CSNK1G2: variants seen among roughly 807,000 people sequenced by gnomAD.
The protein encoded by CSNK1G2 is casein kinase I isoform gamma-2.
A neutral mutation model predicts 48.0 loss-of-function variants in CSNK1G2; 11 were observed. The observed-to-expected ratio is 0.23, with a 90% CI of 0.14 to 0.38. CSNK1G2 has a LOEUF of 0.38. Among genes scored for constraint, CSNK1G2 ranks in the 10% least tolerant of loss-of-function variants. The pLI is 1.00. For synonymous variants in CSNK1G2, 337 were observed against 254.1 expected (o/e 1.33, Z -3.10); for missense variants, 446 against 595.5 (o/e 0.75, Z 2.61).
intron 1 of CSNK1G2, among the ~76,000 whole-genome samples, chr19:1,962,664 A>G (rs1414550029): frequency 6.6e-6 from 1 of 152,204 alleles, no homozygotes; most frequent in Non-Finnish European, 1.5e-5. Context: ...CCCTGTCTCA[A>G]AACAAACACA....
chr19:1,960,853 C>T (rs1568191313), intron 1 of CSNK1G2, among the ~76,000 whole-genome samples: 1 of 152,194 alleles, frequency 6.6e-6, no homozygotes, highest in Non-Finnish European at 1.5e-5. Context: ...CGCACCACTA[C>T]ACTCCAGCCT....
At chr19:1,951,667 C>T (rs111292048) in intron 1 of CSNK1G2, among the ~76,000 whole-genome samples, 3,018 of 126,850 alleles carry the variant, frequency 0.024, 506 homozygotes, top group African/African-American at 0.081. Context: ...TCCACCCCTC[C>T]CCACCTTCCT....
At chr19:1,945,588 G>A (rs2014525748) in intron 1 of CSNK1G2, among the ~76,000 whole-genome samples, 1 of 152,214 alleles carries the variant, frequency 6.6e-6, no homozygotes, top group Non-Finnish European at 1.5e-5. Context: ...TTGGGAGGCC[G>A]AGGTGGGCGG....
intron 1 of CSNK1G2, among the ~76,000 whole-genome samples, chr19:1,955,909 C>A (rs867770616): frequency 2.0e-5 from 3 of 152,210 alleles, no homozygotes; most frequent in Non-Finnish European, 2.9e-5. Context: ...AAGTAGCAAC[C>A]CCAACCTGCC....
intron 1 of CSNK1G2, among the ~76,000 whole-genome samples, chr19:1,946,673 C>T (rs1198303436): frequency 6.6e-6 from 1 of 151,108 alleles, no homozygotes; most frequent in East Asian, 1.9e-4. Context: ...AGTGCAGTGG[C>T]GCAATCTTGG....
At position 1,972,425 on chromosome 19, in the gene CSNK1G2, G is replaced by A. The variant is rs192514605; in HGVS notation, c.187+2466G>A. Among the ~76,000 whole-genome samples the A allele has an allele frequency of 2.8e-4, 43 of 152,220 alleles. No homozygotes were observed. In the East Asian group the frequency reaches 6.9e-3, roughly 25 times the overall value. ...TGTCTAGAATGTTCTAGAATGTGTC[G>A]TTTTTTCTGTTTTTAAGGTTTTTAT... On this transcript the variant is annotated intron_variant, in intron 2 of 11. Coordinates refer to ENST00000255641, the MANE Select transcript of CSNK1G2 (RefSeq NM_001319.7).
At chr19:1,946,290 T>TTTATTTA (rs779066768) in intron 1 of CSNK1G2, among the ~76,000 whole-genome samples, 3,623 of 69,128 alleles carry the variant, frequency 0.052, 53 homozygotes, top group Non-Finnish European at 0.098. Flanking sequence ...TTATTTATTT[T>TTTATTTA]TTATTTATTT....
chr19:1,949,152 C>T (rs918110338), intron 1 of CSNK1G2, among the ~76,000 whole-genome samples: 1 of 152,208 alleles, frequency 6.6e-6, no homozygotes, highest in Non-Finnish European at 1.5e-5. Context: ...GTCAAGGCTC[C>T]TCTGTGAGTG....
chr19:1,943,037 G>A (rs935991083), intron 1 of CSNK1G2, among the ~76,000 whole-genome samples: 1 of 152,138 alleles, frequency 6.6e-6, no homozygotes, highest in Admixed American at 6.5e-5. Context: ...GAGAGGGAAC[G>A]GGAGACCTGC....
chr19:1,948,853 C>G (rs1014682101), intron 1 of CSNK1G2, among the ~76,000 whole-genome samples: 1 of 152,226 alleles, frequency 6.6e-6, no homozygotes, highest in Non-Finnish European at 1.5e-5. Context: ...ACACATACCT[C>G]GTGTGTTGTG....
At chr19:1,958,086 A>C (rs1344076043) in intron 1 of CSNK1G2, among the ~76,000 whole-genome samples, 3 of 151,986 alleles carry the variant, frequency 2.0e-5, no homozygotes, top group Admixed American at 6.6e-5. Context: ...TCGGTGGCTG[A>C]GTAAGGGGCC....
rs1328104477 is a variant in CSNK1G2, at chr19:1,974,978, C to T, written c.188-3327C>T. 9 of 796,310 alleles carry T rather than the reference C, an allele frequency of 1.1e-5. 1 individual carries two copies. The highest frequency in any genetic ancestry group is 3.7e-5 in the African/African-American group (2 of 53,494). The allele number at this position is 796,310 out of a possible 1,614,324, so 49.3% of individuals were successfully genotyped here. On this transcript the variant is annotated intron_variant, in intron 2 of 11. Coordinates refer to ENST00000255641, the MANE Select transcript of CSNK1G2 (RefSeq NM_001319.7). ...CCCCTTTGGCTTTCAGAGCCCAGAG[C>T]GCCCGACCTCCTCCAGGAGTCTGCA...
chr19:1,948,415 C>T (rs866969731), intron 1 of CSNK1G2, among the ~76,000 whole-genome samples: 1 of 149,698 alleles, frequency 6.7e-6, no homozygotes, highest in African/African-American at 2.5e-5. Context: ...CCCAGCTACT[C>T]GGGAGGCTGA....
chr19:1,973,953 T>C (rs1026713126), intron 2 of CSNK1G2, among the ~76,000 whole-genome samples: 2 of 152,162 alleles, frequency 1.3e-5, no homozygotes, highest in African/African-American at 4.8e-5. Flanking sequence ...AGTGGTACTA[T>C]CTTGGCTCAC....
chr19:1,980,341 G>A lies in CSNK1G2; in HGVS notation c.*138G>A, dbSNP rs768590825. ...AGCCAGAACGCAGACTGCAGGGGCC[G>A]CGCCTGGCTCAGGCGGCCCCACCCC... On this transcript the variant is annotated 3_prime_UTR_variant, in exon 12 of 12. Transcript: ENST00000255641. 2.0e-5 allele frequency: 22 copies of A among 1,096,946 alleles called. No homozygotes were observed. The highest frequency in any genetic ancestry group is 1.8e-5 in the Non-Finnish European group (13 of 739,622). The allele number at this position is 1,096,946 out of a possible 1,614,324, so 68.0% of individuals were successfully genotyped here.
chr19:1,946,298 TTTA>T (rs1467688031), intron 1 of CSNK1G2, among the ~76,000 whole-genome samples: 13 of 147,760 alleles, frequency 8.8e-5, no homozygotes, highest in African/African-American at 3.2e-4. Context: ...TTTTTATTTA[TTTA>T]TTTTTTTTAA....
chr19:1,953,381 C>G (rs761885233), intron 1 of CSNK1G2: 1 of 533,884 alleles, frequency 1.9e-6, no homozygotes, highest in Non-Finnish European at 3.8e-6. Context: ...TGGGGGTGTT[C>G]TCACTTCCCC....
In CSNK1G2 at chr19:1,980,275, G is replaced by A. The variant is rs1258352622; in HGVS notation, c.*72G>A. 4.4e-6 allele frequency: 7 copies of A among 1,574,806 alleles called. No individual in the cohort carries two copies. The highest frequency in any genetic ancestry group is 3.3e-5 in the South Asian group (3 of 89,794). On this transcript the variant is annotated 3_prime_UTR_variant, in exon 12 of 12. Coordinates refer to ENST00000255641, the MANE Select transcript of CSNK1G2 (RefSeq NM_001319.7). ...GGGCGCGACCTTGTGCGAGGCCCTC[G>A]GGGCCCACCCACAGCGGCCCAGGGC...
At chr19:1,960,162 C>T (rs71337068) in intron 1 of CSNK1G2, among the ~76,000 whole-genome samples, 1 of 152,174 alleles carries the variant, frequency 6.6e-6, no homozygotes, top group Non-Finnish European at 1.5e-5. Flanking sequence ...AGCACAGGGG[C>T]GTGTAGGAAG....
Sources: gnomAD v4.1 joint callset for allele counts (sites outside exome capture counted in the v4.1 genomes callset) on GRCh38, gnomAD v4.1.1 for gene constraint, MANE v1.5 for transcripts, NCBI Gene and HGNC (gene_info 2026-07-23, HGNC 2026-07-21) for gene names.